Variants in RIT2 observed in about 807,000 individuals in gnomAD.
RIT2 encodes Ras like without CAAX 2.
In RIT2, 24 loss-of-function variants were observed where a neutral mutation model predicts 23.7. The ratio of observed to expected loss-of-function variants is 1.01; its 90% CI spans 0.73 to 1.43. RIT2 has a LOEUF of 1.43. Ranked by LOEUF, RIT2 falls within the 40% of genes most tolerant of loss-of-function variation. The probability of loss-of-function intolerance (pLI) is 0.00; values close to 1 mark genes in which losing one functional copy is unlikely to be tolerated. For synonymous variants in RIT2, 107 were observed against 91.1 expected, an observed-to-expected ratio of 1.17 and a Z score of -0.99; for missense variants, 236 against 266.9, an observed-to-expected ratio of 0.88 and a Z score of 0.81.
intron 3 of RIT2, among the ~76,000 whole-genome samples, chr18:42,958,697 A>C (rs1407185062): frequency 6.6e-6 from 1 of 152,090 alleles, no homozygotes; most frequent in Non-Finnish European, 1.5e-5. Flanking sequence ...ACTCCTGAAC[A>C]TTTCCCCAAA....
At chr18:43,052,617 G>C (rs1004350561) in intron 1 of RIT2, among the ~76,000 whole-genome samples, 1 of 151,950 alleles carries the variant, frequency 6.6e-6, no homozygotes, top group South Asian at 2.1e-4. Flanking sequence ...TTATCAAACT[G>C]CTCCTTTCCA....
chr18:42,759,474 T>C (rs1913245101), intron 4 of RIT2, among the ~76,000 whole-genome samples: 1 of 152,112 alleles, frequency 6.6e-6, no homozygotes, highest in African/African-American at 2.4e-5. Flanking sequence ...TTTATTACCC[T>C]GTCTCTTTGT....
intron 4 of RIT2, among the ~76,000 whole-genome samples, chr18:42,916,367 T>C (rs1249632939): frequency 6.6e-6 from 1 of 152,136 alleles, no homozygotes. Flanking sequence ...TTACTCACCT[T>C]TACTTAGCTC....
chr18:42,773,232 C>T lies in RIT2; in HGVS notation c.427-29512G>A, dbSNP rs199515800. ...ACTGATGATAAAGTTTGATGCAGAA[C>T]TGACATCTCTGACTCTCTGAGAAAA... is the stretch of plus-strand genomic sequence containing the variant. On this transcript the variant is annotated intron_variant, in intron 4 of 4. Coordinates refer to ENST00000326695, the MANE Select transcript of RIT2 (RefSeq NM_002930.4). Among the ~76,000 whole-genome samples, 30 of 152,190 alleles carry T rather than the reference C, an allele frequency of 2.0e-4. No homozygotes were observed. In the East Asian group the frequency reaches 5.2e-3, roughly 26 times the overall value.
At chr18:43,064,991 A>AT (rs1256335787) in intron 1 of RIT2, among the ~76,000 whole-genome samples, 7 of 150,496 alleles carry the variant, frequency 4.7e-5, no homozygotes, top group South Asian at 2.1e-4. Flanking sequence ...TAATTTTTCT[A>AT]TTTTTTTTAG....
chr18:42,746,394 C>T (rs1912917310), intron 4 of RIT2, among the ~76,000 whole-genome samples: 1 of 151,964 alleles, frequency 6.6e-6, no homozygotes, highest in Admixed American at 6.6e-5. Context: ...GTTGCAGTAC[C>T]TTACATGTAA....
At chr18:43,079,162 A>G (rs1913096260) in intron 1 of RIT2, among the ~76,000 whole-genome samples, 1 of 152,226 alleles carries the variant, frequency 6.6e-6, no homozygotes, top group African/African-American at 2.4e-5. Context: ...AAATCATCTA[A>G]TTCAATTTTT....
chr18:43,080,007 A>T (rs1023227857), intron 1 of RIT2, among the ~76,000 whole-genome samples: 1 of 152,188 alleles, frequency 6.6e-6, no homozygotes, highest in African/African-American at 2.4e-5. Context: ...GATGTTCGTT[A>T]ATTTTTGTAT....
At chr18:43,001,775 A>G (rs1598744359) in intron 2 of RIT2, among the ~76,000 whole-genome samples, 1 of 151,836 alleles carries the variant, frequency 6.6e-6, no homozygotes, top group Non-Finnish European at 1.5e-5. Flanking sequence ...CTTTCTAAAG[A>G]TTTTGTGTCA....
chr18:43,107,674 T>G (rs1477289512), intron 1 of RIT2, among the ~76,000 whole-genome samples: 1 of 152,112 alleles, frequency 6.6e-6, no homozygotes, highest in Non-Finnish European at 1.5e-5. Context: ...TCTATGTGGT[T>G]GAGGCCCCCA....
chr18:43,014,069 CATGAAG>C (rs1911415776), intron 2 of RIT2, among the ~76,000 whole-genome samples: 5 of 151,808 alleles, frequency 3.3e-5, no homozygotes, highest in African/African-American at 7.2e-5. Flanking sequence ...TAATCACATT[CATGAAG>C]ACATAGTCAC....
At chr18:43,063,183 C>T (rs1912691880) in intron 1 of RIT2, among the ~76,000 whole-genome samples, 2 of 152,066 alleles carry the variant, frequency 1.3e-5, no homozygotes, top group South Asian at 2.1e-4. Flanking sequence ...AGAGATAATA[C>T]ATCTTATAAA....
At chr18:42,815,464 T>C (rs1230913725) in intron 4 of RIT2, among the ~76,000 whole-genome samples, 1 of 152,208 alleles carries the variant, frequency 6.6e-6, no homozygotes, top group Non-Finnish European at 1.5e-5. Flanking sequence ...CTAAGAAGTC[T>C]GGGATTATGT....
intron 4 of RIT2, among the ~76,000 whole-genome samples, chr18:42,773,946 G>A (rs963364705): frequency 6.6e-6 from 1 of 151,998 alleles, no homozygotes; most frequent in African/African-American, 2.4e-5. Context: ...CATTTACTTG[G>A]TTTTCCTCTA....
chr18:42,760,857 G>A (rs1913284339), intron 4 of RIT2, among the ~76,000 whole-genome samples: 1 of 152,178 alleles, frequency 6.6e-6, no homozygotes, highest in Non-Finnish European at 1.5e-5. Context: ...TAATATGAGT[G>A]AGAAGTTTGA....
intron 4 of RIT2, among the ~76,000 whole-genome samples, chr18:42,774,669 G>A (rs182640351): frequency 7.3e-5 from 11 of 150,972 alleles, no homozygotes; most frequent in Admixed American, 4.0e-4. Context: ...ACACCATGGA[G>A]AGATAGCCTT....
intron 4 of RIT2, among the ~76,000 whole-genome samples, chr18:42,886,288 A>T (rs912056097): frequency 6.6e-6 from 1 of 152,252 alleles, no homozygotes; most frequent in Non-Finnish European, 1.5e-5. Context: ...CAGAACTCCG[A>T]AATTCTATTG....
chr18:43,103,914 G>C (rs118068806), intron 1 of RIT2, among the ~76,000 whole-genome samples: 281 of 152,178 alleles, frequency 1.8e-3, no homozygotes, highest in Non-Finnish European at 2.5e-3. Context: ...AAAGATGATA[G>C]AAGAAATCCC....
At chr18:43,076,611 G>C (rs1350700910) in intron 1 of RIT2, among the ~76,000 whole-genome samples, 2 of 152,116 alleles carry the variant, frequency 1.3e-5, no homozygotes, top group African/African-American at 4.8e-5. Flanking sequence ...GTCATTGAGG[G>C]TGGGAAGTTG....
Sources: gnomAD v4.1 joint callset for allele counts (sites outside exome capture counted in the v4.1 genomes callset) on GRCh38, gnomAD v4.1.1 for gene constraint, MANE v1.5 for transcripts, NCBI Gene and HGNC (gene_info 2026-07-23, HGNC 2026-07-21) for gene names.